The following BCL2L1 variants were observed in gnomAD, a reference collection of about 807,000 sequenced individuals.
BCL2L1 encodes bcl-2-like protein 1.
In BCL2L1, 1 loss-of-function variant was observed where a neutral mutation model predicts 18.7. The observed-to-expected ratio is 0.05, with a 90% confidence interval of 0.02 to 0.25. BCL2L1 has a LOEUF of 0.25. BCL2L1 is among the 10% of genes least tolerant of loss of function. The pLI is 1.00. For missense variants in BCL2L1, 207 were observed against 304.9 expected (o/e 0.68, Z 2.39); for synonymous variants, 103 against 122.7 (o/e 0.84, Z 1.06).
intron 2 of BCL2L1, among the ~76,000 whole-genome samples, chr20:31,712,484 T>C (rs1185840759): frequency 6.6e-6 from 1 of 152,196 alleles, no homozygotes; most frequent in Non-Finnish European, 1.5e-5. Flanking sequence ...ATACTATTAA[T>C]AGTAATGTTA....
At chr20:31,704,289 CG>C (rs2061336770) in intron 2 of BCL2L1, among the ~76,000 whole-genome samples, 1 of 151,362 alleles carries the variant, frequency 6.6e-6, no homozygotes, top group South Asian at 2.1e-4. Flanking sequence ...TTAGCAGAGA[CG>C]GGGTTTCCAC....
chr20:31,693,676 G>A lies in BCL2L1; in HGVS notation c.565-27590C>T, dbSNP rs565325516. 5.3e-5 allele frequency among the ~76,000 whole-genome samples: 8 copies of A among 152,156 alleles called. No homozygotes were observed. In the South Asian group the frequency reaches 8.3e-4, roughly 16 times the overall value. On this transcript the variant is annotated intron_variant, in intron 2 of 2. Coordinates refer to ENST00000307677, the MANE Select transcript of BCL2L1 (RefSeq NM_138578.3). ...CTTCTGAGTAGCTGGAGTTATAGGCGTGCACCACCACGCCCAGCTATTTTT... is the reference window on the plus strand; with the variant it reads ...CTTCTGAGTAGCTGGAGTTATAGGCATGCACCACCACGCCCAGCTATTTTT...
At chr20:31,714,191 A>T (rs2061492403) in intron 2 of BCL2L1, among the ~76,000 whole-genome samples, 1 of 152,238 alleles carries the variant, frequency 6.6e-6, no homozygotes, top group Non-Finnish European at 1.5e-5. Context: ...ATCCGCCACA[A>T]GGCCTAAGGA....
chr20:31,682,061 A>G (rs2060873616), intron 2 of BCL2L1, among the ~76,000 whole-genome samples: 1 of 152,202 alleles, frequency 6.6e-6, no homozygotes, highest in Non-Finnish European at 1.5e-5. Flanking sequence ...AGCTTGCTTT[A>G]TATTAGGAGA....
intron 2 of BCL2L1, among the ~76,000 whole-genome samples, chr20:31,687,083 CCAG>C (rs757310862): frequency 2.6e-5 from 4 of 151,774 alleles, no homozygotes; most frequent in Admixed American, 6.6e-5. Flanking sequence ...TTTGGGAGGT[CCAG>C]GAGGGAGGAT....
At chr20:31,706,616 C>T (rs2061372525) in intron 2 of BCL2L1, among the ~76,000 whole-genome samples, 1 of 152,236 alleles carries the variant, frequency 6.6e-6, no homozygotes, top group Admixed American at 6.5e-5. Context: ...ATGAGTATTA[C>T]TTCCACTTTA....
At chr20:31,670,142 G>T (rs1031798595) in intron 2 of BCL2L1, among the ~76,000 whole-genome samples, 9 of 152,182 alleles carry the variant, frequency 5.9e-5, no homozygotes, top group African/African-American at 2.2e-4. Context: ...GGTTGAGGTG[G>T]AGGATCTGGG....
At chr20:31,666,661 G>A (rs961070435) in intron 2 of BCL2L1, among the ~76,000 whole-genome samples, 5 of 152,064 alleles carry the variant, frequency 3.3e-5, no homozygotes, top group Non-Finnish European at 5.9e-5. Context: ...TTCAGCCAGA[G>A]GCTCCTCCCT....
intron 2 of BCL2L1, among the ~76,000 whole-genome samples, chr20:31,706,306 T>G (rs2061367738): frequency 6.6e-6 from 1 of 152,246 alleles, no homozygotes; most frequent in South Asian, 2.1e-4. Context: ...ATTCAGAGTC[T>G]GGCCTTGCCT....
Position 31,692,124 on chromosome 20 carries a change from T to C in BCL2L1, c.565-26038A>G, listed in dbSNP as rs370921507. On this transcript the variant is annotated intron_variant, in intron 2 of 2. Transcript: ENST00000307677. The stretch of plus-strand genomic sequence containing the variant: ...AATTCTGAGGGCCCCAACCCTGACA[T>C]ACACAATCAAACACTTTGGGGGTGG... 3.9e-5 allele frequency among the ~76,000 whole-genome samples: 6 copies of C among 152,342 alleles called. No homozygotes were observed. In the East Asian group the frequency reaches 1.2e-3, roughly 29 times the overall value.
chr20:31,674,009 T>C (rs916490310), intron 2 of BCL2L1, among the ~76,000 whole-genome samples: 2 of 152,316 alleles, frequency 1.3e-5, no homozygotes, highest in Non-Finnish European at 1.5e-5. Context: ...TATGTGAAAA[T>C]GGAGGCTCCA....
At chr20:31,667,764 C>T (rs1282639061) in intron 2 of BCL2L1, among the ~76,000 whole-genome samples, 1 of 152,138 alleles carries the variant, frequency 6.6e-6, no homozygotes, top group African/African-American at 2.4e-5. Flanking sequence ...GGAAGCCCTC[C>T]AGCAGCATTC....
intron 2 of BCL2L1, among the ~76,000 whole-genome samples, chr20:31,711,109 T>A (rs1257427384): frequency 2.6e-5 from 4 of 152,180 alleles, no homozygotes; most frequent in African/African-American, 9.7e-5. Flanking sequence ...GAGAACCAAG[T>A]AAGATGATTA....
chr20:31,671,317 T>G (rs2060665686), intron 2 of BCL2L1, among the ~76,000 whole-genome samples: 11 of 151,978 alleles, frequency 7.2e-5, no homozygotes, highest in Non-Finnish European at 1.3e-4. Flanking sequence ...CCCAGGCTAG[T>G]ATCACTTTCA....
intron 2 of BCL2L1, among the ~76,000 whole-genome samples, chr20:31,695,172 T>A (rs1195955511): frequency 6.6e-6 from 1 of 152,202 alleles, no homozygotes; most frequent in Non-Finnish European, 1.5e-5. Flanking sequence ...CCATCCACCC[T>A]GGTATAAACT....
At chr20:31,678,739 T>C (rs1417270532) in intron 2 of BCL2L1, among the ~76,000 whole-genome samples, 2 of 152,184 alleles carry the variant, frequency 1.3e-5, no homozygotes, top group African/African-American at 2.4e-5. Context: ...CTAGCTCCTG[T>C]GGCCTCGACC....
intron 2 of BCL2L1, among the ~76,000 whole-genome samples, chr20:31,701,997 C>T (rs1303918437): frequency 6.6e-6 from 1 of 152,106 alleles, no homozygotes; most frequent in African/African-American, 2.4e-5. Context: ...AGTACACAAA[C>T]AAAAAGAAAA....
intron 2 of BCL2L1, among the ~76,000 whole-genome samples, chr20:31,668,386 C>A (rs2060617900): frequency 1.3e-5 from 2 of 151,618 alleles, no homozygotes; most frequent in South Asian, 4.2e-4. Flanking sequence ...GTGGCACAAA[C>A]TGGGCTCACA....
intron 2 of BCL2L1, among the ~76,000 whole-genome samples, chr20:31,711,411 G>C (rs1054685756): frequency 2.6e-5 from 4 of 152,170 alleles, no homozygotes; most frequent in Admixed American, 2.0e-4. Flanking sequence ...CTTGCCTGGT[G>C]TGTCTGGCAG....
Sources: allele counts gnomAD v4.1 joint callset (sites outside exome capture counted in the v4.1 genomes callset), GRCh38; gene constraint gnomAD v4.1.1; transcripts MANE v1.5; gene names NCBI Gene and HGNC (gene_info 2026-07-23, HGNC 2026-07-21).